The following GNB4 variants were observed in gnomAD, a reference collection of about 807,000 sequenced individuals.
The protein encoded by GNB4 is guanine nucleotide-binding protein subunit beta-4.
In GNB4, 28 loss-of-function variants were observed where a neutral mutation model predicts 45.2. That is an observed-to-expected ratio of 0.62 (90% CI 0.46 to 0.85). The LOEUF (loss-of-function observed/expected upper bound fraction) is 0.85, where lower values mean the gene tolerates loss of function less well. Ranked by LOEUF, GNB4 falls within the 40% of genes least tolerant of loss-of-function variation. The pLI, the probability that GNB4 is intolerant of heterozygous loss-of-function variation, is 0.00. For missense variants in GNB4, 321 were observed against 425.4 expected (o/e 0.75, Z 2.16); for synonymous variants, 132 against 143.7 (o/e 0.92, Z 0.58).
rs144816044 is a variant in GNB4, at chr3:179,433,312, A to G, written c.-42-7070T>C. Among the ~76,000 whole-genome samples, 23 of 152,326 alleles carry G rather than the reference A, an allele frequency of 1.5e-4. 1 individual carries two copies. In the East Asian group the frequency reaches 3.7e-3, roughly 24 times the overall value. On this transcript the variant is annotated intron_variant, in intron 1 of 9. Transcript: ENST00000232564. ...CAACATAGGGGAGCAGAATCTCCCC[A>G]AAGGCTTACCAACAGTTCAATGACC...
chr3:179,519,164 C>G, the GNB4 span, among the ~76,000 whole-genome samples: 1 of 152,348 alleles, frequency 6.6e-6, no homozygotes, highest in Middle Eastern at 3.4e-3. Context: ...GCCACTGGGT[C>G]AAGGAATGCC....
chr3:179,523,591 GT>G, the GNB4 span, among the ~76,000 whole-genome samples: 4 of 152,170 alleles, frequency 2.6e-5, no homozygotes, highest in African/African-American at 9.7e-5. Context: ...GGTAAGGAGA[GT>G]TTATAGGCTT....
At chr3:179,491,488 T>C in the GNB4 span, among the ~76,000 whole-genome samples, 14 of 152,308 alleles carry the variant, frequency 9.2e-5, no homozygotes, top group East Asian at 2.5e-3. Flanking sequence ...TAGCATTAGG[T>C]TGTCCCAGGA....
the GNB4 span, among the ~76,000 whole-genome samples, chr3:179,459,879 G>A: frequency 6.6e-6 from 1 of 152,100 alleles, no homozygotes; most frequent in Admixed American, 6.5e-5. Flanking sequence ...AATCAAGTAG[G>A]TGAATTTAAC....
intron 1 of GNB4, among the ~76,000 whole-genome samples, chr3:179,435,090 T>C (rs1241348383): frequency 1.3e-5 from 2 of 152,090 alleles, no homozygotes; most frequent in Non-Finnish European, 2.9e-5. Flanking sequence ...AAATGAAGCT[T>C]AGGCAGGTTA....
rs1714185218 is a variant in GNB4, at chr3:179,398,416, G to A, written c.*2797C>T. ...TATAGTCCCAGCTACTTGGGAGGCT[G>A]AGGCACAAGAATTGCTTGAACCCAG... is the stretch of plus-strand genomic sequence containing the variant. On this transcript the variant is annotated 3_prime_UTR_variant, in exon 10 of 10. Transcript: ENST00000232564. 1 of 151,978 alleles carries A rather than the reference G, an allele frequency of 6.6e-6. No homozygotes were observed. Among genetic ancestry groups the A allele is most frequent in the Admixed American group, 6.6e-5 (1 of 15,244 alleles). The allele number at this position is 151,978 out of a possible 1,614,324, so 9.4% of individuals were successfully genotyped here. A position where few individuals can be genotyped will look rare whatever the true frequency, so the allele number is the denominator to read the frequency against.
At chr3:179,472,142 C>G in the GNB4 span, among the ~76,000 whole-genome samples, 1 of 151,778 alleles carries the variant, frequency 6.6e-6, no homozygotes, top group Non-Finnish European at 1.5e-5. Flanking sequence ...ATGTGCCTTT[C>G]AAAGAGAGGT....
chr3:179,467,288 AG>A, the GNB4 span, among the ~76,000 whole-genome samples: 1 of 152,318 alleles, frequency 6.6e-6, no homozygotes, highest in South Asian at 2.1e-4. Flanking sequence ...GCGGGATTAC[AG>A]GTGTGAGCCA....
the GNB4 span, among the ~76,000 whole-genome samples, chr3:179,475,533 C>T: frequency 1.7e-4 from 26 of 152,102 alleles, no homozygotes; most frequent in South Asian, 2.1e-4. Context: ...AATGCAATGG[C>T]GAGATCTCGG....
In GNB4 at chr3:179,450,037, T is replaced by C. The variant is rs142506656; in HGVS notation, c.-43+1309A>G. Among the ~76,000 whole-genome samples the C allele has an allele frequency of 2.6e-5, 4 of 152,316 alleles. No individual in the cohort carries two copies. The East Asian group carries it at 7.7e-4, about 29-fold the overall frequency. On this transcript the variant is annotated intron_variant, in intron 1 of 9. Transcript: ENST00000232564. ...CACAAAGAGTTGAACCAACCTAAAA[T>C]ATCACAAGCTGTATCAATCAGTTTT...
At chr3:179,420,735 T>G (rs1714954745) in intron 3 of GNB4, among the ~76,000 whole-genome samples, 154 bp downstream of exon 3, 1 of 152,144 alleles carries the variant, frequency 6.6e-6, no homozygotes, top group African/African-American at 2.4e-5. Flanking sequence ...ACTCGCACTG[T>G]ATAGCATTTG....
intron 1 of GNB4, among the ~76,000 whole-genome samples, chr3:179,434,043 G>A (rs1715379190): frequency 6.6e-6 from 1 of 152,196 alleles, no homozygotes; most frequent in Non-Finnish European, 1.5e-5. Flanking sequence ...GACAACTCTT[G>A]GGGAAGCAAT....
At chr3:179,483,709 T>G in the GNB4 span, among the ~76,000 whole-genome samples, 1 of 152,164 alleles carries the variant, frequency 6.6e-6, no homozygotes. Flanking sequence ...GGACAAAATT[T>G]TTATCTCTTA....
chr3:179,489,013 A>ATT, the GNB4 span, among the ~76,000 whole-genome samples: 1 of 34,518 alleles, frequency 2.9e-5, no homozygotes, highest in Admixed American at 4.8e-4. Context: ...AAAAAAAAAA[A>ATT]AAAAAAATAT....
At chr3:179,464,847 AC>A in the GNB4 span, 1 of 1,343,860 alleles carries the variant, frequency 7.4e-7, no homozygotes, top group Non-Finnish European at 1.1e-6. Context: ...ATGTGTTTGG[AC>A]CAGTATTCCA....
At chr3:179,417,744 T>C (rs1714845349) in intron 4 of GNB4, among the ~76,000 whole-genome samples, 4 of 152,186 alleles carry the variant, frequency 2.6e-5, no homozygotes, top group Admixed American at 6.6e-5. Context: ...AAAAAGGATA[T>C]ACAGAAGAAA....
chr3:179,508,996 G>A, the GNB4 span, among the ~76,000 whole-genome samples: 3 of 139,436 alleles, frequency 2.2e-5, no homozygotes, highest in African/African-American at 8.2e-5. Context: ...ATATCAGTAT[G>A]AGCCTGTGAT....
At chr3:179,457,835 C>A in the GNB4 span, among the ~76,000 whole-genome samples, 1 of 151,382 alleles carries the variant, frequency 6.6e-6, no homozygotes, top group Non-Finnish European at 1.5e-5. Flanking sequence ...CCTTTCACTT[C>A]GAGGTAGTAA....
At chr3:179,523,512 T>C in the GNB4 span, among the ~76,000 whole-genome samples, 1 of 152,176 alleles carries the variant, frequency 6.6e-6, no homozygotes, top group African/African-American at 2.4e-5. Context: ...AACAATTTGG[T>C]TGATAAAGTG....
Sources: gnomAD v4.1 joint callset for allele counts (sites outside exome capture counted in the v4.1 genomes callset) on GRCh38, gnomAD v4.1.1 for gene constraint, MANE v1.5 for transcripts, NCBI Gene and HGNC (gene_info 2026-07-23, HGNC 2026-07-21) for gene names.